Variants in ASMTL observed in about 807,000 individuals in gnomAD.
ASMTL encodes acetylserotonin O-methyltransferase like.
In ASMTL, 57 loss-of-function variants were observed where a neutral mutation model predicts 60.3. The observed-to-expected ratio is 0.95, with a 90% CI of 0.76 to 1.18. The LOEUF (loss-of-function observed/expected upper bound fraction) is 1.18, where lower values mean the gene tolerates loss of function less well. Ranked by LOEUF, ASMTL falls within the 50% of genes most tolerant of loss-of-function variation. The probability of loss-of-function intolerance (pLI) is 0.00; values close to 1 mark genes in which losing one functional copy is unlikely to be tolerated. For missense variants in ASMTL, 981 were observed against 852.6 expected (o/e 1.15, Z -1.88); for synonymous variants, 419 against 373.0 (o/e 1.12, Z -1.42).
chrX:1,408,130 G>C (rs1397174251), intron 12 of ASMTL, among the ~76,000 whole-genome samples: 1 of 120,162 alleles, frequency 8.3e-6, no homozygotes, highest in Non-Finnish European at 1.9e-5. Context: ...GAGCGCAGGA[G>C]GTCAAGGCTG....
chrX:1,418,810 C>G (rs1357234652), intron 10 of ASMTL, 172 bp downstream of exon 10: 1 of 335,602 alleles, frequency 3.0e-6, no homozygotes, highest in Non-Finnish European at 4.2e-6. Context: ...TCCCCGGGGT[C>G]CTCCTGGAAC....
intron 7 of ASMTL, among the ~76,000 whole-genome samples, chrX:1,427,477 A>G (rs5989906): frequency 0.65 from 97,722 of 151,186 alleles, 32,411 homozygotes; most frequent in East Asian, 0.83. Flanking sequence ...AGACACAGAC[A>G]CAGTGGATGA....
At chrX:1,431,305 TAA>T (rs1486003652) in intron 6 of ASMTL, among the ~76,000 whole-genome samples, 1 of 131,342 alleles carries the variant, frequency 7.6e-6, no homozygotes, top group Non-Finnish European at 1.5e-5. Flanking sequence ...ATAAAATATA[TAA>T]AATTATATAT....
At chrX:1,404,531 A>C (rs58645230) in intron 12 of ASMTL, among the ~76,000 whole-genome samples, 1 of 142,620 alleles carries the variant, frequency 7.0e-6, no homozygotes, top group East Asian at 2.2e-4. Context: ...TGGTTAGGTA[A>C]GTAGGTAGAT....
chrX:1,442,081 A>G (rs1198448727), intron 2 of ASMTL, 105 bp downstream of exon 2: 15 of 1,362,526 alleles, frequency 1.1e-5, no homozygotes, highest in African/African-American at 1.4e-5. Flanking sequence ...CACCAACTGC[A>G]TCTTTTGAAT....
chrX:1,434,088 G>A (rs1340075994), intron 5 of ASMTL, among the ~76,000 whole-genome samples: 2 of 152,184 alleles, frequency 1.3e-5, no homozygotes, highest in East Asian at 1.9e-4. Flanking sequence ...TGTCAGAACT[G>A]ACTGAATTCT....
At position 1,421,838 on chromosome X, in the gene ASMTL, G is replaced by A. The variant is rs1470368312; in HGVS notation, c.1065C>T (p.Tyr355=). The change falls in exon 9 of 13, where the codon TAC becomes TAT. Residue 355 remains tyrosine (Y), a synonymous_variant. Coordinates refer to ENST00000381317, the MANE Select transcript of ASMTL (RefSeq NM_004192.4). The part of the protein sequence containing the change: ...MGLLEKTEQG[Y]SNTETANVYL... ...AGACGTTCGCTGTCTCTGTGTTACT[G>A]TAACCTGGAGAAATGGGGACAGTCG... 4 of 1,613,794 alleles carry A rather than the reference G, an allele frequency of 2.5e-6. No individual in the cohort carries two copies. The highest frequency in any genetic ancestry group is 3.3e-5 in the Admixed American group (2 of 59,988).
intron 6 of ASMTL, among the ~76,000 whole-genome samples, chrX:1,430,879 AAAT>A (rs773712753): frequency 0.021 from 2,924 of 140,924 alleles, 93 homozygotes; most frequent in African/African-American, 0.07. Context: ...TATAATATAA[AAAT>A]ATATTTTATA....
intron 8 of ASMTL, among the ~76,000 whole-genome samples, chrX:1,423,660 C>G (rs373752120): frequency 3.6e-4 from 54 of 151,746 alleles, no homozygotes; most frequent in African/African-American, 1.2e-3. Context: ...CCCACCCATC[C>G]AATCCACCGA....
intron 11 of ASMTL, chrX:1,414,156 T>G (rs1317849534): frequency 6.7e-6 from 1 of 149,890 alleles, no homozygotes; most frequent in Non-Finnish European, 1.5e-5. Context: ...GAGACTGGAG[T>G]GATGCGGCTA....
intron 11 of ASMTL, among the ~76,000 whole-genome samples, chrX:1,416,269 A>G: frequency 6.6e-6 from 1 of 151,436 alleles, no homozygotes; most frequent in East Asian, 1.9e-4. Context: ...ACGGACACAC[A>G]GATACACCAA....
chrX:1,433,460 T>C (rs1182424614), intron 5 of ASMTL, among the ~76,000 whole-genome samples: 2 of 133,762 alleles, frequency 1.5e-5, no homozygotes, highest in African/African-American at 5.7e-5. Flanking sequence ...GGTCAGGAGA[T>C]CGAGACCCTC....
chrX:1,419,393 G>C (rs1161046590), intron 9 of ASMTL, among the ~76,000 whole-genome samples: 1 of 152,182 alleles, frequency 6.6e-6, no homozygotes, highest in Non-Finnish European at 1.5e-5. Context: ...GACTTTCGCA[G>C]TAGGCTTTTC....
chrX:1,431,080 A>G (rs1191540335), intron 6 of ASMTL, among the ~76,000 whole-genome samples: 1 of 130,840 alleles, frequency 7.6e-6, no homozygotes, highest in Non-Finnish European at 1.5e-5. Context: ...ATATTCATAT[A>G]TTTCTATATT....
At chrX:1,435,243 C>A (rs1225773161) in intron 4 of ASMTL, 160 bp from the exon 5 acceptor site, 3 of 791,054 alleles carry the variant, frequency 3.8e-6, no homozygotes, top group Admixed American at 4.3e-5. Context: ...TCCAGGGAAA[C>A]CTTTACGGAG....
chrX:1,414,455 C>T lies in ASMTL; in HGVS notation c.1523-1601G>A, dbSNP rs531262400. 3.3e-5 allele frequency among the ~76,000 whole-genome samples: 5 copies of T among 152,286 alleles called. No individual in the cohort carries two copies. In the South Asian group the frequency reaches 1.0e-3, roughly 32 times the overall value. On this transcript the variant is annotated intron_variant, in intron 11 of 12. Transcript: ENST00000381317. Reference sequence around the variant, plus strand: ...CATTTCCGGCCGGGCGGGGTGTAATCCCAGCACTTTGGGAGGCCAAGACGG... The same window carrying T: ...CATTTCCGGCCGGGCGGGGTGTAATTCCAGCACTTTGGGAGGCCAAGACGG...
chrX:1,445,092 C>T (rs2091205262), intron 1 of ASMTL, among the ~76,000 whole-genome samples: 1 of 152,224 alleles, frequency 6.6e-6, no homozygotes, highest in South Asian at 2.1e-4. Context: ...CAAATCCAGC[C>T]GTCTGGTAAG....
chrX:1,421,669 C>T lies in ASMTL; in HGVS notation c.1234G>A (p.Asp412Asn). ...GGGTGTTATGCTACCTGGAACAGAT[C>T]TTCCGCCTTCTTCCCCAACGCCCTG... is the stretch of plus-strand genomic sequence containing the variant. ...HHRALGKKAE[D>N]LFQDAYYQSP... The change falls in exon 9 of 13, where the codon GAT (aspartate) becomes AAT (asparagine). Residue 412 changes from aspartate to asparagine, a missense_variant. Transcript: ENST00000381317. 6.2e-7 allele frequency: 1 copy of T among 1,613,908 alleles called. No homozygotes were observed. Among genetic ancestry groups the T allele is most frequent in the African/African-American group, 1.3e-5 (1 of 75,032 alleles).
intron 11 of ASMTL, 167 bp from the exon 12 acceptor site, chrX:1,413,021 G>A (rs745575204): frequency 2.8e-6 from 2 of 719,386 alleles, no homozygotes; most frequent in South Asian, 3.5e-5. Flanking sequence ...CTTGAACAGA[G>A]CTCCATGAGG....
Sources: gnomAD v4.1 joint callset for allele counts (sites outside exome capture counted in the v4.1 genomes callset) on GRCh38, gnomAD v4.1.1 for gene constraint, MANE v1.5 for transcripts, NCBI Gene and HGNC (gene_info 2026-07-23, HGNC 2026-07-21) for gene names.